Variants in USP15 observed in about 807,000 individuals in gnomAD.
The protein encoded by USP15 is ubiquitin specific peptidase 15.
In USP15, 18 loss-of-function variants were observed where a neutral mutation model predicts 127.1. The ratio of observed to expected loss-of-function variants is 0.14; its 90% CI spans 0.10 to 0.21. USP15 has a LOEUF of 0.21. Among genes scored for constraint, USP15 ranks in the 10% least tolerant of loss-of-function variants. The probability of loss-of-function intolerance (pLI) is 1.00; values close to 1 mark genes in which losing one functional copy is unlikely to be tolerated. For missense variants in USP15, 805 were observed against 1,159.9 expected, an observed-to-expected ratio of 0.69 and a Z score of 4.44; for synonymous variants, 364 against 393.7, an observed-to-expected ratio of 0.92 and a Z score of 0.89.
In USP15 at chr12:62,377,608, T is replaced by C. The variant is rs2066870218; in HGVS notation, c.916-3882T>C. Among the ~76,000 whole-genome samples, 4 of 151,816 alleles carry C rather than the reference T, an allele frequency of 2.6e-5. No individual in the cohort carries two copies. In the South Asian group the frequency reaches 6.2e-4, roughly 24 times the overall value. On this transcript the variant is annotated intron_variant, in intron 8 of 21. Transcript: ENST00000280377. Reference sequence around the variant, plus strand: ...GGTGGCACGTGCCTGTAATCCCAGCTACTTGGGAGGCTGAGGCAGGAGAAT... The same window carrying C: ...GGTGGCACGTGCCTGTAATCCCAGCCACTTGGGAGGCTGAGGCAGGAGAAT...
intron 4 of USP15, among the ~76,000 whole-genome samples, chr12:62,316,058 G>C (rs2064821175): frequency 6.6e-6 from 1 of 152,128 alleles, no homozygotes; most frequent in Admixed American, 6.5e-5. Flanking sequence ...GCTCAGGCGG[G>C]TGGATCGCCT....
intron 8 of USP15, among the ~76,000 whole-genome samples, chr12:62,368,405 G>T (rs191176776): frequency 3.3e-5 from 5 of 152,202 alleles, no homozygotes; most frequent in Admixed American, 3.3e-4. Context: ...TATTAACAGT[G>T]GGGTGTTAAA....
At chr12:62,337,691 C>CTCATTGT (rs929824094) in intron 6 of USP15, among the ~76,000 whole-genome samples, 3 of 145,534 alleles carry the variant, frequency 2.1e-5, no homozygotes, top group Non-Finnish European at 3.0e-5. Context: ...TCCATGTGTT[C>CTCATTGT]TCATTGTTCA....
intron 11 of USP15, among the ~76,000 whole-genome samples, chr12:62,385,573 A>G (rs950797187): frequency 1.3e-5 from 2 of 152,044 alleles, no homozygotes; most frequent in African/African-American, 4.8e-5. Flanking sequence ...CAATGCCCTC[A>G]TATCAGTATT....
rs144732116 is a variant in USP15, at chr12:62,262,329, C to T, written c.89+1826C>T. 3.3e-3 allele frequency among the ~76,000 whole-genome samples: 504 copies of T among 152,194 alleles called. 13 individuals are homozygous for T. Among genetic ancestry groups the T allele is most frequent in the Admixed American group, 0.03 (464 of 15,294 alleles). On this transcript the variant is annotated intron_variant, in intron 1 of 21. Transcript: ENST00000280377. ...CATTTCCTAGGACACCCATGTTTAC[C>T]TTGGCTTGTGGTAATGACAAATAAG...
At position 62,413,995 on chromosome 12, in the gene USP15, A is replaced by G. The variant is rs2068096211; in HGVS notation, c.*9620A>G. On this transcript the variant is annotated 3_prime_UTR_variant, in exon 22 of 22. Coordinates refer to ENST00000280377, the MANE Select transcript of USP15 (RefSeq NM_001252078.2). ...GGTTATTAACTGGCCTGGTTTTAAT[A>G]GTGTTATGTCTCAGGGAATAGGGAG... 1 of 152,198 alleles carries G rather than the reference A, an allele frequency of 6.6e-6. No individual in the cohort carries two copies. The highest frequency in any genetic ancestry group is 2.4e-5 in the African/African-American group (1 of 41,444). 9.4% of individuals were successfully genotyped at this position (152,198 alleles called of 1,614,324 possible).
intron 6 of USP15, among the ~76,000 whole-genome samples, chr12:62,333,712 A>G (rs2065372362): frequency 6.6e-6 from 1 of 152,174 alleles, no homozygotes; most frequent in Non-Finnish European, 1.5e-5. Flanking sequence ...AGTTGGAGGT[A>G]ATGAAATAGC....
At chr12:62,261,567 A>G (rs7957756) in intron 1 of USP15, among the ~76,000 whole-genome samples, 2,375 of 152,336 alleles carry the variant, frequency 0.016, 67 homozygotes, top group African/African-American at 0.055. Flanking sequence ...AACTTGCAGT[A>G]TGGCTTTGAG....
chr12:62,300,635 G>T (rs1246328374), intron 2 of USP15, among the ~76,000 whole-genome samples: 2 of 152,088 alleles, frequency 1.3e-5, no homozygotes, highest in African/African-American at 4.8e-5. Context: ...TTAGAAAAAG[G>T]TAAAAGAGGA....
intron 1 of USP15, among the ~76,000 whole-genome samples, chr12:62,288,490 A>G (rs556901677): frequency 1.3e-5 from 2 of 152,156 alleles, no homozygotes; most frequent in Admixed American, 6.5e-5. Context: ...TCGTTTCTCA[A>G]AGAAGTCTTC....
chr12:62,355,364 T>C lies in USP15; in HGVS notation c.804T>C (p.Tyr268=), dbSNP rs2066089303. 6.2e-7 allele frequency: 1 copy of C among 1,610,488 alleles called. No individual in the cohort carries two copies. Residue 268 remains tyrosine (Y), a synonymous_variant, in exon 8 of 22, where the codon TAT becomes TAC. Transcript: ENST00000280377. ...ACTCAAATTACTGTCTTCCATCATA[T>C]ACCGCTTATAAGAACTATGATTATT... ...VKNSNYCLPS[Y]TAYKNYDYSE... is the part of the protein sequence containing the mutation.
intron 1 of USP15, among the ~76,000 whole-genome samples, chr12:62,279,760 G>A (rs1592482941): frequency 6.6e-6 from 1 of 152,118 alleles, no homozygotes; most frequent in Non-Finnish European, 1.5e-5. Context: ...AGAACCGACT[G>A]CATGTATAAT....
intron 8 of USP15, chr12:62,374,317 G>GT: frequency 1.1e-6 from 1 of 927,456 alleles, no homozygotes; most frequent in African/African-American, 1.8e-5. Flanking sequence ...CTTTTGATTA[G>GT]TTATAGAATG....
chr12:62,349,138 A>G (rs1051791950), intron 6 of USP15, 83 bp from the exon 7 acceptor site: 3 of 822,078 alleles, frequency 3.6e-6, no homozygotes, highest in South Asian at 2.7e-5. Flanking sequence ...TACTACAAAC[A>G]TTGTCATCTG....
At chr12:62,266,635 T>G (rs1311058605) in intron 1 of USP15, among the ~76,000 whole-genome samples, 1 of 152,106 alleles carries the variant, frequency 6.6e-6, no homozygotes, top group Non-Finnish European at 1.5e-5. Flanking sequence ...TTGAAACCAT[T>G]GGGCATATTG....
intron 1 of USP15, among the ~76,000 whole-genome samples, chr12:62,262,905 G>A (rs891430588): frequency 3.3e-5 from 5 of 152,156 alleles, no homozygotes; most frequent in Non-Finnish European, 5.9e-5. Flanking sequence ...TTATCCTCAC[G>A]TTAATTTTCT....
intron 4 of USP15, among the ~76,000 whole-genome samples, chr12:62,317,015 T>A (rs2064848037): frequency 6.6e-6 from 1 of 152,154 alleles, no homozygotes; most frequent in Non-Finnish European, 1.5e-5. Flanking sequence ...TTTTTCAAAC[T>A]GGATTGTTGA....
intron 4 of USP15, 120 bp from the exon 5 acceptor site, chr12:62,321,344 A>G (rs2064980579): frequency 3.4e-6 from 2 of 584,848 alleles, no homozygotes; most frequent in South Asian, 4.9e-5. Flanking sequence ...GATTTATTAC[A>G]TATTTAGTCT....
Position 62,390,936 on chromosome 12 carries a change from T to C in USP15, c.1917T>C (p.Ile639=), listed in dbSNP as rs1486997435. The C allele has an allele frequency of 1.2e-6, 2 of 1,612,982 alleles. No homozygotes were observed. Among genetic ancestry groups the C allele is most frequent in the South Asian group, 2.2e-5 (2 of 90,968 alleles). ...TACACTGCTGTAAGGACCAAAATAT[T>C]AATGGGAATGGCCCAAATGGCATAC... is the stretch of plus-strand genomic sequence containing the variant. ...GSLHCCKDQN[I]NGNGPNGIHE... The change falls in exon 15 of 22, where the codon ATT becomes ATC. Residue 639 remains isoleucine, a synonymous_variant. Transcript: ENST00000280377.
Sources: allele counts gnomAD v4.1 joint callset (sites outside exome capture counted in the v4.1 genomes callset), GRCh38; gene constraint gnomAD v4.1.1; transcripts MANE v1.5; gene names NCBI Gene and HGNC (gene_info 2026-07-23, HGNC 2026-07-21).